Variants in DNAJB6 observed in about 807,000 individuals in gnomAD.
DNAJB6 encodes dnaJ homolog subfamily B member 6.
A neutral mutation model predicts 42.7 loss-of-function variants in DNAJB6; 16 were observed. The observed-to-expected ratio is 0.37, with a 90% CI of 0.25 to 0.57. The LOEUF (loss-of-function observed/expected upper bound fraction) is 0.57, where lower values mean the gene tolerates loss of function less well. Among genes scored for constraint, DNAJB6 ranks in the 20% least tolerant of loss-of-function variants. DNAJB6 has a pLI of 0.74. For missense variants in DNAJB6, 347 were observed against 416.8 expected, an observed-to-expected ratio of 0.83 and a Z score of 1.46; for synonymous variants, 170 against 163.5, an observed-to-expected ratio of 1.04 and a Z score of -0.30.
rs1008208781 is a variant in DNAJB6, at chr7:157,409,383, G to A, written c.692-412G>A. ...GAGGCGGAGAGGGGATGTCTTCCGT[G>A]TATGGACTCAGGAGGAAATCGCCAA... On this transcript the variant is annotated intron_variant, in intron 8 of 9. Transcript: ENST00000262177. 1.6e-4 allele frequency among the ~76,000 whole-genome samples: 25 copies of A among 152,188 alleles called. 1 individual carries two copies. Among genetic ancestry groups the A allele is most frequent in the African/African-American group, 5.1e-4 (21 of 41,448 alleles).
At chr7:157,414,229 G>C (rs1796050942) in intron 9 of DNAJB6, 1 of 152,430 alleles carries the variant, frequency 6.6e-6, no homozygotes, top group Admixed American at 6.5e-5. Flanking sequence ...GGTAAAGTTT[G>C]CTTTGCTGAA....
At chr7:157,411,325 C>T (rs1280217917) in intron 9 of DNAJB6, 1 of 143,248 alleles carries the variant, frequency 7.0e-6, no homozygotes, top group African/African-American at 2.6e-5. Context: ...GGGGGAGACT[C>T]CCCACGGTTC....
At chr7:157,341,775 C>T (rs948793872) in intron 1 of DNAJB6, among the ~76,000 whole-genome samples, 102 of 152,230 alleles carry the variant, frequency 6.7e-4, no homozygotes, top group African/African-American at 2.3e-3. Flanking sequence ...TTGTGTATGT[C>T]CTGATGACCT....
intron 5 of DNAJB6, chr7:157,379,987 T>C (rs911707884): frequency 7.2e-5 from 11 of 151,984 alleles, no homozygotes; most frequent in African/African-American, 2.7e-4. Context: ...AACTTTTTTG[T>C]ATTTTTAGTA....
intron 8 of DNAJB6, among the ~76,000 whole-genome samples, chr7:157,408,762 G>T (rs978612098): frequency 6.6e-6 from 1 of 152,260 alleles, no homozygotes; most frequent in African/African-American, 2.4e-5. Context: ...CTGTCAGTCC[G>T]TTGGGTTTCA....
intron 1 of DNAJB6, among the ~76,000 whole-genome samples, chr7:157,344,725 G>A (rs752133716): frequency 3.3e-5 from 5 of 152,102 alleles, no homozygotes; most frequent in African/African-American, 4.8e-5. Context: ...TGATTTTCCT[G>A]CCTCAGCCAC....
At chr7:157,402,973 A>G (rs1375466132) in intron 8 of DNAJB6, among the ~76,000 whole-genome samples, 2 of 152,128 alleles carry the variant, frequency 1.3e-5, no homozygotes, top group Non-Finnish European at 2.9e-5. Flanking sequence ...GGTTGAGGAC[A>G]CGCCCGTGAC....
intron 8 of DNAJB6, 113 bp from the exon 9 acceptor site, chr7:157,409,676 CCGGAGA>C (rs2116647443): frequency 4.4e-6 from 5 of 1,147,168 alleles, no homozygotes; most frequent in Non-Finnish European, 4.7e-6. Flanking sequence ...TTTCTCCTGC[CCGGAGA>C]TGGCGCGTCT....
In DNAJB6 at chr7:157,340,765, T is replaced by C. The variant is rs1412386517; in HGVS notation, c.-27+3621T>C. Among the ~76,000 whole-genome samples, 9 of 151,448 alleles carry C rather than the reference T, an allele frequency of 5.9e-5. No individual in the cohort carries two copies. The East Asian group carries it at 1.4e-3, about 23-fold the overall frequency. On this transcript the variant is annotated intron_variant, in intron 1 of 9. Transcript: ENST00000262177. ...GGTCTTGGCTCACTGCACTCCTGGG[T>C]TCAAGCCATTCTCCTGCTTCAGCCT...
chr7:157,342,349 T>C (rs1193900664), intron 1 of DNAJB6, among the ~76,000 whole-genome samples: 1 of 141,806 alleles, frequency 7.1e-6, no homozygotes, highest in Non-Finnish European at 1.5e-5. Flanking sequence ...TTTTTTTTTT[T>C]TTTTTTTTTT....
At chr7:157,367,526 C>T in intron 5 of DNAJB6, 43 bp downstream of exon 5, 1 of 1,147,862 alleles carries the variant, frequency 8.7e-7, no homozygotes, top group Non-Finnish European at 1.3e-6. Context: ...GTCCATGACC[C>T]AAATGAGGGC....
intron 1 of DNAJB6, among the ~76,000 whole-genome samples, chr7:157,351,668 AACC>A: frequency 6.6e-6 from 1 of 151,546 alleles, no homozygotes; most frequent in Non-Finnish European, 1.5e-5. Context: ...CAACAAAAAA[AACC>A]ACAAAACTTG....
intron 8 of DNAJB6, among the ~76,000 whole-genome samples, chr7:157,393,964 C>A (rs776210478): frequency 1.3e-5 from 2 of 152,160 alleles, no homozygotes; most frequent in African/African-American, 4.8e-5. Flanking sequence ...TGTGATCATG[C>A]GCCTTTCTCA....
In DNAJB6 at chr7:157,366,569, C is replaced by T. The variant is rs377327513; in HGVS notation, c.235+8C>T. 10 of 1,613,180 alleles carry T rather than the reference C, an allele frequency of 6.2e-6. No homozygotes were observed. The highest frequency in any genetic ancestry group is 3.3e-5 in the South Asian group (3 of 90,914). ...TAAATGGTGGAGGAGGAGGTAAGTA[C>T]GTGAGTTTTTTCTTTGAAGACAAAA... On this transcript the variant is annotated splice_region_variant and intron_variant, in intron 4 of 9. Transcript: ENST00000262177.
At chr7:157,405,497 C>T (rs1430392485) in intron 8 of DNAJB6, among the ~76,000 whole-genome samples, 1 of 152,166 alleles carries the variant, frequency 6.6e-6, no homozygotes, top group African/African-American at 2.4e-5. Flanking sequence ...GGCCAGGGTG[C>T]TGGGTTTCCA....
At chr7:157,398,276 C>G (rs1385297645) in intron 8 of DNAJB6, among the ~76,000 whole-genome samples, 1 of 152,236 alleles carries the variant, frequency 6.6e-6, no homozygotes, top group African/African-American at 2.4e-5. Context: ...AGCCCATCTT[C>G]TGATGGGCCA....
chr7:157,384,743 G>A (rs1380547768), intron 6 of DNAJB6, 124 bp from the exon 7 acceptor site: 10 of 955,120 alleles, frequency 1.0e-5, no homozygotes, highest in East Asian at 2.5e-5. Flanking sequence ...TAGTTGCGTC[G>A]TTTATTACTC....
In DNAJB6 at chr7:157,390,441, G is replaced by A. The variant is rs185056339; in HGVS notation, c.691+4830G>A. On this transcript the variant is annotated intron_variant, in intron 8 of 9. Transcript: ENST00000262177. Reference sequence around the variant, plus strand: ...GGCAGCGCTGTCATCCCATTCCCCCGCCTGGTCCTTCCTCTTCCCCCTAGC... The same window carrying A: ...GGCAGCGCTGTCATCCCATTCCCCCACCTGGTCCTTCCTCTTCCCCCTAGC... 5.9e-5 allele frequency among the ~76,000 whole-genome samples: 9 copies of A among 152,250 alleles called. No individual in the cohort carries two copies. In the East Asian group the frequency reaches 1.4e-3, roughly 23 times the overall value.
chr7:157,355,639 G>A (rs1464728366), intron 1 of DNAJB6, among the ~76,000 whole-genome samples: 1 of 151,800 alleles, frequency 6.6e-6, no homozygotes, highest in African/African-American at 2.4e-5. Flanking sequence ...CAGCAGGACT[G>A]GGGGATGAGT....
Sources: allele counts gnomAD v4.1 joint callset (sites outside exome capture counted in the v4.1 genomes callset), GRCh38; gene constraint gnomAD v4.1.1; transcripts MANE v1.5; gene names NCBI Gene and HGNC (gene_info 2026-07-23, HGNC 2026-07-21).